Variants in LRP1B observed in about 807,000 individuals in gnomAD.
LRP1B encodes the protein low-density lipoprotein receptor-related protein 1B.
In LRP1B, 217 loss-of-function variants were observed where a neutral mutation model predicts 556.6. The ratio of observed to expected loss-of-function variants is 0.39; its 90% CI spans 0.35 to 0.44. The LOEUF is 0.44. LRP1B is among the 20% of genes least tolerant of loss of function. LRP1B has a pLI of 1.00. For missense variants in LRP1B, 5,053 were observed against 5,620.8 expected (o/e 0.90, Z 3.23); for synonymous variants, 2,047 against 1,865.8 (o/e 1.10, Z -2.50).
At chr2:141,653,833 A>C (rs355562) in intron 2 of LRP1B, among the ~76,000 whole-genome samples, 116,572 of 152,100 alleles carry the variant, frequency 0.77, 45,302 homozygotes, top group African/African-American at 0.88. Flanking sequence ...ACATTTACAG[A>C]AGTTGTGGTT....
chr2:140,893,306 T>G (rs971868156), intron 23 of LRP1B, among the ~76,000 whole-genome samples: 1 of 152,218 alleles, frequency 6.6e-6, no homozygotes, highest in African/African-American at 2.4e-5. Flanking sequence ...GGATATAAAA[T>G]ATTTTGATTC....
At chr2:140,239,361 A>T (rs1009359901) in intron 88 of LRP1B, 81 bp downstream of exon 88, 1 of 893,550 alleles carries the variant, frequency 1.1e-6, no homozygotes, top group Non-Finnish European at 1.7e-6. Context: ...ATGTTTAAAA[A>T]AATTAACAAC....
At chr2:141,266,028 G>A (rs984291600) in intron 3 of LRP1B, among the ~76,000 whole-genome samples, 2 of 152,050 alleles carry the variant, frequency 1.3e-5, no homozygotes, top group Non-Finnish European at 2.9e-5. Context: ...AGGGAGAGTA[G>A]GAATATGCAT....
intron 1 of LRP1B, among the ~76,000 whole-genome samples, chr2:142,024,659 A>G (rs1208742214): frequency 1.0e-5 from 1 of 98,846 alleles, no homozygotes; most frequent in African/African-American, 3.8e-5. Context: ...CTTTCATGCT[A>G]CAGAATTTTA....
chr2:141,372,338 G>T lies in LRP1B; in HGVS notation c.343+108058C>A, dbSNP rs769484996. Among the ~76,000 whole-genome samples, 20 of 152,098 alleles carry T rather than the reference G, an allele frequency of 1.3e-4. 1 individual carries two copies. Among genetic ancestry groups the T allele is most frequent in the South Asian group, 4.1e-4 (2 of 4,822 alleles). ...ATGTTCATCGGAGATATTGGTCTAT[G>T]ATTTTCTTATTTTGTTATATCTTTG... On this transcript the variant is annotated intron_variant, in intron 3 of 90. Coordinates refer to ENST00000389484, the MANE Select transcript of LRP1B (RefSeq NM_018557.3).
At chr2:141,127,424 A>C (rs1701242854) in intron 7 of LRP1B, among the ~76,000 whole-genome samples, 1 of 152,184 alleles carries the variant, frequency 6.6e-6, no homozygotes. Context: ...ATTCTACTAT[A>C]AAGACAGATG....
intron 72 of LRP1B, among the ~76,000 whole-genome samples, chr2:140,361,380 A>ATATATG (rs1553454115): frequency 3.9e-5 from 5 of 128,832 alleles, no homozygotes; most frequent in Non-Finnish European, 8.3e-5. Flanking sequence ...ATATATATAT[A>ATATATG]ACAAAAATAA....
At chr2:140,829,810 T>C (rs1573775086) in intron 31 of LRP1B, among the ~76,000 whole-genome samples, 1 of 151,002 alleles carries the variant, frequency 6.6e-6, no homozygotes, top group East Asian at 2.0e-4. Context: ...TAAAAAATAA[T>C]ATAAAAGATA....
intron 25 of LRP1B, among the ~76,000 whole-genome samples, chr2:140,877,921 G>T (rs1173570156): frequency 6.6e-6 from 1 of 152,134 alleles, no homozygotes; most frequent in Non-Finnish European, 1.5e-5. Context: ...GATTAACTGA[G>T]ACCTGTCTCA....
chr2:141,783,237 A>G (rs1574354855), intron 2 of LRP1B, among the ~76,000 whole-genome samples: 1 of 152,070 alleles, frequency 6.6e-6, no homozygotes, highest in Non-Finnish European at 1.5e-5. Flanking sequence ...ACAAAGTATG[A>G]GTACATTTTC....
chr2:141,273,028 G>A (rs1178256687), intron 3 of LRP1B, among the ~76,000 whole-genome samples: 1 of 152,134 alleles, frequency 6.6e-6, no homozygotes. Context: ...CAACACTTAT[G>A]CCAGGCGGGG....
At chr2:140,767,854 T>A (rs1158486432) in intron 35 of LRP1B, among the ~76,000 whole-genome samples, 1 of 151,888 alleles carries the variant, frequency 6.6e-6, no homozygotes, top group Non-Finnish European at 1.5e-5. Flanking sequence ...TAAAAATACA[T>A]GCATGTACTG....
intron 3 of LRP1B, among the ~76,000 whole-genome samples, chr2:141,447,942 T>C (rs768033436): frequency 2.6e-5 from 4 of 152,228 alleles, no homozygotes; most frequent in African/African-American, 4.8e-5. Flanking sequence ...GCTTGAGCAC[T>C]GTGCTGGGAG....
chr2:141,426,155 C>G (rs949775577), intron 3 of LRP1B, among the ~76,000 whole-genome samples: 1 of 151,954 alleles, frequency 6.6e-6, no homozygotes, highest in Non-Finnish European at 1.5e-5. Flanking sequence ...CCAGTTTTCC[C>G]AGCACCATTT....
chr2:141,063,909 T>C (rs561999617), intron 7 of LRP1B, among the ~76,000 whole-genome samples: 2 of 151,826 alleles, frequency 1.3e-5, no homozygotes, highest in Admixed American at 6.6e-5. Context: ...CTGGCTATCA[T>C]GTGATGTGTA....
chr2:141,227,072 T>C (rs1399859585), intron 6 of LRP1B, among the ~76,000 whole-genome samples: 1 of 152,196 alleles, frequency 6.6e-6, no homozygotes. Flanking sequence ...TGTTTCTAGG[T>C]TTGCTGAATT....
intron 32 of LRP1B, among the ~76,000 whole-genome samples, chr2:140,800,172 C>T (rs1016802480): frequency 2.0e-5 from 3 of 152,152 alleles, no homozygotes; most frequent in African/African-American, 7.2e-5. Flanking sequence ...ACCGCATGTT[C>T]TCACTCATAG....
chr2:141,728,218 A>G (rs1216433283), intron 2 of LRP1B, among the ~76,000 whole-genome samples: 1 of 152,150 alleles, frequency 6.6e-6, no homozygotes, highest in African/African-American at 2.4e-5. Flanking sequence ...ACCTCTCTGC[A>G]TAGTATTCTG....
chr2:141,705,220 GA>G (rs1176699013), intron 2 of LRP1B, among the ~76,000 whole-genome samples: 1 of 151,872 alleles, frequency 6.6e-6, no homozygotes, highest in Non-Finnish European at 1.5e-5. Flanking sequence ...TCTATGATCA[GA>G]AAAAAATGTA....
Sources: allele counts gnomAD v4.1 joint callset (sites outside exome capture counted in the v4.1 genomes callset), GRCh38; gene constraint gnomAD v4.1.1; transcripts MANE v1.5; gene names NCBI Gene and HGNC (gene_info 2026-07-23, HGNC 2026-07-21).